GRID2: variants seen among roughly 807,000 people sequenced by gnomAD.
GRID2 encodes glutamate ionotropic receptor delta type subunit 2.
Under a neutral mutation model 114.8 loss-of-function variants are expected in GRID2, and 33 were observed. The ratio of observed to expected loss-of-function variants is 0.29; its 90% CI spans 0.22 to 0.38. The LOEUF (loss-of-function observed/expected upper bound fraction) is 0.38. GRID2 is among the 10% of genes least tolerant of loss of function. GRID2 has a pLI of 1.00. For missense variants in GRID2, 1,184 were observed against 1,257.7 expected, an observed-to-expected ratio of 0.94 and a Z score of 0.89; for synonymous variants, 505 against 449.9, an observed-to-expected ratio of 1.12 and a Z score of -1.55.
intron 8 of GRID2, among the ~76,000 whole-genome samples, chr4:93,301,958 GAAGTATACA>G (rs1258024720): frequency 6.6e-6 from 1 of 152,080 alleles, no homozygotes; most frequent in Non-Finnish European, 1.5e-5. Context: ...AAGAAGCTAT[GAAGTATACA>G]AAGATGTCGC....
At chr4:93,226,994 G>C (rs549407722) in intron 7 of GRID2, among the ~76,000 whole-genome samples, 2 of 152,276 alleles carry the variant, frequency 1.3e-5, no homozygotes, top group Admixed American at 1.3e-4. Context: ...ACTGGAATAA[G>C]GGGAGAAGAG....
rs539850910 is a variant in GRID2, at chr4:92,381,909, C to A, written c.88+77165C>A. Among the ~76,000 whole-genome samples the A allele has an allele frequency of 6.1e-4, 92 of 152,010 alleles. 1 individual carries two copies. Among genetic ancestry groups the A allele is most frequent in the African/African-American group, 2.2e-3 (91 of 41,490 alleles). On this transcript the variant is annotated intron_variant, in intron 1 of 15. Transcript: ENST00000282020. ...AGTCATCCACAGGAAATGATAAAGACAATGAATCTCAGATGTCTACAGACT... is the reference window on the plus strand; with the variant it reads ...AGTCATCCACAGGAAATGATAAAGAAAATGAATCTCAGATGTCTACAGACT...
chr4:93,309,359 AC>A (rs1268388513), intron 8 of GRID2, among the ~76,000 whole-genome samples: 1 of 152,070 alleles, frequency 6.6e-6, no homozygotes, highest in South Asian at 2.1e-4. Flanking sequence ...ACATGGCGAA[AC>A]CCTGTCTCTG....
In GRID2 at chr4:93,455,913, A is replaced by G; in HGVS notation, c.1797A>G (p.Ser599=). The G allele has an allele frequency of 2.5e-6, 4 of 1,611,856 alleles. No homozygotes were observed. The highest frequency in any genetic ancestry group is 3.4e-6 in the Non-Finnish European group (4 of 1,177,946). The change falls in exon 11 of 16, where the codon TCA becomes TCG. Residue 599 remains serine (S), a synonymous_variant. Transcript: ENST00000282020. The part of the protein sequence containing the change: ...WLNPPRLQMG[S]MTSTTLYNSM... Reference sequence around the variant, plus strand: ...ATCCCCCACGATTACAAATGGGATCAATGACGTCTACTACTCTCTACAACT... The same window carrying G: ...ATCCCCCACGATTACAAATGGGATCGATGACGTCTACTACTCTCTACAACT...
At chr4:93,575,752 T>C (rs913929582) in intron 13 of GRID2, among the ~76,000 whole-genome samples, 1 of 152,136 alleles carries the variant, frequency 6.6e-6, no homozygotes, top group Non-Finnish European at 1.5e-5. Flanking sequence ...CTCTCATCCA[T>C]GGGCCCCAGT....
chr4:92,649,604 T>C (rs1327861849), intron 2 of GRID2, among the ~76,000 whole-genome samples: 6 of 151,954 alleles, frequency 3.9e-5, no homozygotes, highest in Admixed American at 3.9e-4. Flanking sequence ...GGTTGACATG[T>C]AAAATTAACC....
intron 13 of GRID2, among the ~76,000 whole-genome samples, chr4:93,542,629 C>T (rs1380834578): frequency 6.6e-6 from 1 of 152,026 alleles, no homozygotes; most frequent in African/African-American, 2.4e-5. Flanking sequence ...TTCACTTTCC[C>T]CCAAGGAAGA....
intron 14 of GRID2, among the ~76,000 whole-genome samples, chr4:93,705,132 G>T (rs1055523994): frequency 6.6e-6 from 1 of 152,004 alleles, no homozygotes; most frequent in African/African-American, 2.4e-5. Context: ...CTATCTTTTG[G>T]ATAAAAGCCA....
At chr4:92,526,858 T>C (rs139829576) in intron 1 of GRID2, among the ~76,000 whole-genome samples, 99 of 152,202 alleles carry the variant, frequency 6.5e-4, no homozygotes, top group African/African-American at 2.2e-3. Flanking sequence ...CTTGACTTAC[T>C]ATGGGGTTAT....
At chr4:93,324,099 T>C (rs1402877973) in intron 8 of GRID2, among the ~76,000 whole-genome samples, 2 of 152,144 alleles carry the variant, frequency 1.3e-5, no homozygotes, top group Non-Finnish European at 2.9e-5. Flanking sequence ...ACAGGAGTGG[T>C]GAGAGAGGGC....
chr4:93,614,611 G>A (rs961326304), intron 13 of GRID2, among the ~76,000 whole-genome samples: 2 of 151,956 alleles, frequency 1.3e-5, no homozygotes, highest in African/African-American at 2.4e-5. Context: ...ACAACAGGAC[G>A]AGTTAACAGG....
At chr4:93,148,380 AG>A (rs1736441467) in intron 4 of GRID2, among the ~76,000 whole-genome samples, 2 of 152,156 alleles carry the variant, frequency 1.3e-5, no homozygotes, top group Admixed American at 1.3e-4. Flanking sequence ...GGCAGAACAT[AG>A]CCCATACATA....
chr4:92,630,655 T>A (rs760356148), intron 2 of GRID2, among the ~76,000 whole-genome samples: 36 of 152,152 alleles, frequency 2.4e-4, no homozygotes, highest in Non-Finnish European at 5.0e-4. Context: ...GCATGGCTTG[T>A]GTCTTCTTTT....
intron 2 of GRID2, among the ~76,000 whole-genome samples, chr4:92,668,291 C>G (rs1226061914): frequency 2.0e-5 from 3 of 151,660 alleles, no homozygotes; most frequent in African/African-American, 7.3e-5. Context: ...ATGTTATCTT[C>G]CTCAATCTTT....
chr4:92,373,586 C>T (rs1052117942), intron 1 of GRID2, among the ~76,000 whole-genome samples: 2 of 152,160 alleles, frequency 1.3e-5, no homozygotes, highest in African/African-American at 4.8e-5. Context: ...TATTTTCTAG[C>T]TCAACATCTT....
At chr4:92,766,892 T>G (rs1738296163) in intron 2 of GRID2, among the ~76,000 whole-genome samples, 1 of 152,192 alleles carries the variant, frequency 6.6e-6, no homozygotes, top group African/African-American at 2.4e-5. Flanking sequence ...AAGGACTGGA[T>G]TTGTATCTCA....
Position 92,384,187 on chromosome 4 carries a change from C to A in GRID2, c.88+79443C>A, listed in dbSNP as rs370221626. ...TGTGAAGTGGCTGTCAAGTTGCAAC[C>A]AGAATGTAACTCTACTAGGACTTTT... is the stretch of plus-strand genomic sequence containing the variant. On this transcript the variant is annotated intron_variant, in intron 1 of 15. Transcript: ENST00000282020. 1.1e-4 allele frequency among the ~76,000 whole-genome samples: 17 copies of A among 150,270 alleles called. 1 individual carries two copies. In the South Asian group the frequency reaches 1.3e-3, roughly 11 times the overall value.
intron 2 of GRID2, among the ~76,000 whole-genome samples, chr4:92,973,772 T>C (rs1753672022): frequency 6.6e-6 from 1 of 152,230 alleles, no homozygotes; most frequent in South Asian, 2.1e-4. Flanking sequence ...TACTAAATCT[T>C]ATTTTTAAAT....
chr4:93,300,657 A>C (rs1754768340), intron 8 of GRID2, among the ~76,000 whole-genome samples: 1 of 152,152 alleles, frequency 6.6e-6, no homozygotes, highest in Non-Finnish European at 1.5e-5. Flanking sequence ...ATTGGCCCAT[A>C]ATACTGTAGC....
Sources: gnomAD v4.1 joint callset for allele counts (sites outside exome capture counted in the v4.1 genomes callset) on GRCh38, gnomAD v4.1.1 for gene constraint, MANE v1.5 for transcripts, NCBI Gene and HGNC (gene_info 2026-07-23, HGNC 2026-07-21) for gene names.